Variants in FBXW10B observed in about 807,000 individuals in gnomAD.
FBXW10B encodes F-box and WD repeat domain containing protein 10B.
At chr17:15,618,819 C>T in the FBXW10B span, 1 of 983,612 alleles carries the variant, frequency 1.0e-6, no homozygotes, top group Non-Finnish European at 1.2e-6. Context: ...GGAAGTTACA[C>T]TCAGTCATTT....
chr17:15,586,440 A>G, the FBXW10B span, among the ~76,000 whole-genome samples: 4 of 151,502 alleles, frequency 2.6e-5, no homozygotes, highest in African/African-American at 9.8e-5. Context: ...CTCTTTTCAA[A>G]CTGATGTCTT....
At chr17:15,573,566 T>C in the FBXW10B span, 1 of 152,780 alleles carries the variant, frequency 6.5e-6, no homozygotes, top group African/African-American at 2.4e-5. Context: ...ATTTTGAATG[T>C]AATATAGTTT....
At chr17:15,594,890 T>G in the FBXW10B span, 1 of 1,607,766 alleles carries the variant, frequency 6.2e-7, no homozygotes, top group Non-Finnish European at 8.5e-7. Context: ...CCACTGAGAG[T>G]CTGCAAGAAA....
chr17:15,577,182 T>C, the FBXW10B span, among the ~76,000 whole-genome samples: 1 of 152,296 alleles, frequency 6.6e-6, no homozygotes, highest in Non-Finnish European at 1.5e-5. Context: ...TTTTTTTTAG[T>C]GTTAACCAGT....
At chr17:15,566,949 T>G in the FBXW10B span, among the ~76,000 whole-genome samples, 1 of 151,868 alleles carries the variant, frequency 6.6e-6, no homozygotes, top group African/African-American at 2.4e-5. Flanking sequence ...GCAACAGATG[T>G]GATTTCAATG....
At chr17:15,566,231 C>T in the FBXW10B span, 177 of 1,611,716 alleles carry the variant, frequency 1.1e-4, no homozygotes, top group East Asian at 5.6e-4. Flanking sequence ...TGCTGCAGGG[C>T]GCTAACAGTC....
At chr17:15,616,853 C>T in the FBXW10B span, among the ~76,000 whole-genome samples, 1 of 150,900 alleles carries the variant, frequency 6.6e-6, no homozygotes, top group South Asian at 2.1e-4. Context: ...TTGCCACAAC[C>T]TGTAATAGGA....
chr17:15,568,588 C>G, the FBXW10B span, among the ~76,000 whole-genome samples: 1 of 151,254 alleles, frequency 6.6e-6, no homozygotes, highest in Non-Finnish European at 1.5e-5. Context: ...TCCTCCTCAT[C>G]TCACTTCCCT....
chr17:15,567,023 G>A, the FBXW10B span, among the ~76,000 whole-genome samples: 760 of 151,584 alleles, frequency 5.0e-3, 23 homozygotes, highest in East Asian at 0.068. Context: ...TGTAATCCCA[G>A]CACTTTGGGA....
the FBXW10B span, chr17:15,613,820 C>T: frequency 1.1e-4 from 172 of 1,608,800 alleles, no homozygotes; most frequent in Middle Eastern, 1.7e-4. Flanking sequence ...TCCCCTCATA[C>T]ACCCCAGCAT....
the FBXW10B span, chr17:15,571,557 T>C: frequency 6.6e-6 from 1 of 152,210 alleles, no homozygotes; most frequent in Admixed American, 6.5e-5. Flanking sequence ...CCTGAAGCTC[T>C]CGTTTATTGC....
the FBXW10B span, chr17:15,588,953 A>G: frequency 1.2e-6 from 2 of 1,613,498 alleles, no homozygotes; most frequent in African/African-American, 2.7e-5. Context: ...GGGCTCTTCA[A>G]CATTTTCCTG....
chr17:15,579,233 T>G, the FBXW10B span, among the ~76,000 whole-genome samples: 2 of 152,136 alleles, frequency 1.3e-5, no homozygotes, highest in African/African-American at 4.8e-5. Context: ...ATGCCAAATA[T>G]ATTTTCTTCT....
At chr17:15,566,279 A>C in the FBXW10B span, 2 of 1,597,512 alleles carry the variant, frequency 1.3e-6, no homozygotes, top group Non-Finnish European at 1.7e-6. Flanking sequence ...ATTTTCCAAG[A>C]CTTTTTCTTT....
chr17:15,592,521 A>G, the FBXW10B span, among the ~76,000 whole-genome samples: 3 of 152,022 alleles, frequency 2.0e-5, no homozygotes, highest in Non-Finnish European at 4.4e-5. Flanking sequence ...CCCTGAGTCT[A>G]CGCATATATA....
the FBXW10B span, among the ~76,000 whole-genome samples, chr17:15,602,993 C>T: frequency 7.8e-6 from 1 of 127,808 alleles, no homozygotes; most frequent in Non-Finnish European, 1.6e-5. Context: ...AAGTGATTCT[C>T]CTGCCTCAGC....
At chr17:15,576,443 T>C in the FBXW10B span, among the ~76,000 whole-genome samples, 1 of 152,170 alleles carries the variant, frequency 6.6e-6, no homozygotes, top group Non-Finnish European at 1.5e-5. Context: ...AAATATGTGT[T>C]GAATGAAATG....
At chr17:15,604,380 G>A in the FBXW10B span, among the ~76,000 whole-genome samples, 1 of 152,150 alleles carries the variant, frequency 6.6e-6, no homozygotes, top group African/African-American at 2.4e-5. Context: ...GGAATCATTA[G>A]TATAAAATTA....
the FBXW10B span, among the ~76,000 whole-genome samples, chr17:15,581,014 T>C: frequency 6.6e-6 from 1 of 152,280 alleles, no homozygotes; most frequent in East Asian, 1.9e-4. Context: ...GCTAAACAAG[T>C]AGAAACCCGC....
Sources: gnomAD v4.1 joint callset for allele counts (sites outside exome capture counted in the v4.1 genomes callset) on GRCh38, gnomAD v4.1.1 for gene constraint, MANE v1.5 for transcripts, NCBI Gene and HGNC (gene_info 2026-07-23, HGNC 2026-07-21) for gene names.